Variants in RIN2 observed in about 807,000 individuals in gnomAD.
RIN2 encodes Ras and Rab interactor 2.
In RIN2, 36 loss-of-function variants were observed where a neutral mutation model predicts 78.0. The observed-to-expected ratio is 0.46, with a 90% CI of 0.35 to 0.61. The LOEUF is 0.61. Among genes scored for constraint, RIN2 ranks in the 20% least tolerant of loss-of-function variants. RIN2 has a pLI of 0.00. For synonymous variants in RIN2, 466 were observed against 466.8 expected, an observed-to-expected ratio of 1.00 and a Z score of 0.02; for missense variants, 1,087 against 1,159.7, an observed-to-expected ratio of 0.94 and a Z score of 0.91.
At chr20:19,824,470 G>C (rs756371988) in intron 2 of RIN2, among the ~76,000 whole-genome samples, 2 of 152,128 alleles carry the variant, frequency 1.3e-5, no homozygotes, top group Non-Finnish European at 2.9e-5. Context: ...GGCAGGTGTA[G>C]ATTTATGGTG....
At chr20:19,999,522 C>A (rs1175293981) in intron 12 of RIN2, among the ~76,000 whole-genome samples, 1 of 152,204 alleles carries the variant, frequency 6.6e-6, no homozygotes, top group South Asian at 2.1e-4. Flanking sequence ...AGCAGGGTTG[C>A]CAGATTTAGC....
At chr20:19,936,407 G>A (rs1345630957) in intron 4 of RIN2, among the ~76,000 whole-genome samples, 1 of 74,706 alleles carries the variant, frequency 1.3e-5, no homozygotes, top group Non-Finnish European at 4.2e-5. Flanking sequence ...TGGAACTTTA[G>A]CCAGGGAATT....
intron 2 of RIN2, among the ~76,000 whole-genome samples, chr20:19,834,420 G>A (rs1358218237): frequency 6.6e-6 from 1 of 152,166 alleles, no homozygotes; most frequent in Non-Finnish European, 1.5e-5. Flanking sequence ...AGCACAGGAA[G>A]GACAAATGGC....
At chr20:19,972,393 G>C (rs1940953332) in intron 8 of RIN2, among the ~76,000 whole-genome samples, 1 of 152,166 alleles carries the variant, frequency 6.6e-6, no homozygotes, top group South Asian at 2.1e-4. Context: ...AAAGTGTCAA[G>C]GACAATGCTT....
intron 9 of RIN2, among the ~76,000 whole-genome samples, chr20:19,977,188 G>A (rs937279406): frequency 1.3e-5 from 2 of 152,266 alleles, no homozygotes; most frequent in African/African-American, 4.8e-5. Context: ...AGGGGCTGGG[G>A]TCAGAGGGGG....
rs1474394562 is a variant in RIN2, at chr20:20,001,286, T to A, written c.*350T>A. 5.3e-6 allele frequency: 1 copy of A among 190,096 alleles called. No homozygotes were observed. The highest frequency in any genetic ancestry group is 1.3e-4 in the East Asian group (1 of 7,696). 11.8% of individuals were successfully genotyped at this position (190,096 alleles called of 1,614,324 possible). ...AAGTTCTTTTGAATTCAACAGCAGA[T>A]GCTTGCGATGCAGTGCGTCAGGTGA... is the stretch of plus-strand genomic sequence containing the variant. On this transcript the variant is annotated 3_prime_UTR_variant, in exon 13 of 13. Coordinates refer to ENST00000255006, the MANE Select transcript of RIN2 (RefSeq NM_018993.4).
chr20:19,819,882 A>G (rs557355887), intron 2 of RIN2, among the ~76,000 whole-genome samples: 1 of 152,308 alleles, frequency 6.6e-6, no homozygotes, highest in South Asian at 2.1e-4. Flanking sequence ...TATGAGTGAT[A>G]AGTGATCAGA....
intron 1 of RIN2, among the ~76,000 whole-genome samples, chr20:19,763,387 C>CTAAATAAATAAATAAATAAA (rs146419222): frequency 2.6e-5 from 4 of 151,396 alleles, no homozygotes; most frequent in African/African-American, 7.3e-5. Flanking sequence ...GACTCTGTCT[C>CTAAATAAATAAATAAATAAA]TAAATAAATA....
intron 2 of RIN2, among the ~76,000 whole-genome samples, chr20:19,811,558 A>T (rs973363048): frequency 6.6e-6 from 1 of 152,198 alleles, no homozygotes; most frequent in Non-Finnish European, 1.5e-5. Flanking sequence ...CACCATGAGC[A>T]TCCATCACAG....
At chr20:19,889,322 C>T (rs990664604) in intron 2 of RIN2, 16 of 1,215,638 alleles carry the variant, frequency 1.3e-5, no homozygotes, top group Non-Finnish European at 1.6e-5. Context: ...CCTGAAGTCC[C>T]AAGGACCTTC....
Position 19,975,241 on chromosome 20 carries a change from G to T in RIN2, c.1216G>T (p.Gly406Trp), listed in dbSNP as rs775149665. 1.3e-6 allele frequency: 2 copies of T among 1,583,786 alleles called. No homozygotes were observed. The highest frequency in any genetic ancestry group is 4.6e-5 in the East Asian group (2 of 43,280). Reference protein sequence around the residue: ...PGGAPPEAAPGDCTRAPPPSS... With the variant: ...PGGAPPEAAPWDCTRAPPPSS... ...TGGGGCCCCGCCTGAGGCCGCCCCG[G>T]GGGATTGCACAAGGGCCCCGCCGCC... Residue 406 changes from glycine (G) to tryptophan (W), a missense_variant, in exon 9 of 13, where the codon GGG (glycine) becomes TGG (tryptophan). Physicochemically the swap from Gly to Trp is radical, Grantham distance 184. Transcript: ENST00000255006. The surrounding 1 kb of genome is among the most constrained non-coding windows in gnomAD (Gnocchi z 4.9).
intron 2 of RIN2, among the ~76,000 whole-genome samples, chr20:19,852,281 T>C (rs1343063790): frequency 6.6e-6 from 1 of 152,164 alleles, no homozygotes; most frequent in African/African-American, 2.4e-5. Context: ...AAGGTGATTC[T>C]ACCAGCATCT....
chr20:19,832,197 C>A (rs1005506989), intron 2 of RIN2, among the ~76,000 whole-genome samples: 14 of 151,314 alleles, frequency 9.3e-5, no homozygotes, highest in Admixed American at 9.2e-4. Flanking sequence ...AGTGGGGATA[C>A]TAAGGCAAGC....
At chr20:19,949,778 G>C (rs1432300231) in intron 4 of RIN2, among the ~76,000 whole-genome samples, 1 of 152,234 alleles carries the variant, frequency 6.6e-6, no homozygotes, top group Non-Finnish European at 1.5e-5. Context: ...GTCATTAGGG[G>C]CTGCGCTGGT....
chr20:19,872,921 C>T (rs1031939799), intron 2 of RIN2, among the ~76,000 whole-genome samples: 8 of 151,898 alleles, frequency 5.3e-5, no homozygotes, highest in African/African-American at 1.7e-4. Flanking sequence ...ATGTAAGGTA[C>T]CTGCACTTGT....
Position 19,965,137 on chromosome 20 carries a change from G to A in RIN2, c.536+113G>A, listed in dbSNP as rs1025437646. 7.4e-6 allele frequency: 6 copies of A among 811,172 alleles called. No homozygotes were observed. The African/African-American group carries it at 1.0e-4, about 14-fold the overall frequency. The allele number at this position is 811,172 out of a possible 1,614,324, so 50.2% of individuals were successfully genotyped here. On this transcript the variant is annotated intron_variant, in intron 7 of 12. Coordinates refer to ENST00000255006, the MANE Select transcript of RIN2 (RefSeq NM_018993.4). ...GCTGGCCACCTATTTGATGTTGGCA[G>A]ATTAAGACTGGTTACTTAAGTAAAA...
intron 2 of RIN2, among the ~76,000 whole-genome samples, chr20:19,853,171 C>T (rs370949800): frequency 3.6e-4 from 55 of 151,498 alleles, no homozygotes; most frequent in African/African-American, 1.2e-3. Flanking sequence ...CTGAGAATGA[C>T]GGTTTCCAGC....
intron 9 of RIN2, among the ~76,000 whole-genome samples, chr20:19,986,927 A>T (rs1438906521): frequency 6.6e-6 from 1 of 152,224 alleles, no homozygotes. Context: ...AACATCTCTA[A>T]TCCCTGGTGT....
At chr20:19,783,665 G>T (rs904143385) in intron 1 of RIN2, among the ~76,000 whole-genome samples, 4 of 152,158 alleles carry the variant, frequency 2.6e-5, no homozygotes, top group Admixed American at 2.6e-4. Context: ...AAGTGGGGAG[G>T]TGAGGCAAGG....
Sources: allele counts gnomAD v4.1 joint callset (sites outside exome capture counted in the v4.1 genomes callset), GRCh38; gene constraint gnomAD v4.1.1; non-coding constraint Gnocchi (gnomAD v3.1); transcripts MANE v1.5; gene names NCBI Gene and HGNC (gene_info 2026-07-23, HGNC 2026-07-21).